CRMP1: variants seen among roughly 807,000 people sequenced by gnomAD.
CRMP1 encodes the protein dihydropyrimidinase-related protein 1.
In CRMP1, 19 loss-of-function variants were observed where a neutral mutation model predicts 68.3. The ratio of observed to expected loss-of-function variants is 0.28; its 90% confidence interval spans 0.19 to 0.41. The LOEUF is 0.41. Ranked by LOEUF, CRMP1 falls within the 10% of genes least tolerant of loss-of-function variation. The pLI, the probability that CRMP1 is intolerant of heterozygous loss-of-function variation, is 1.00. For missense variants in CRMP1, 791 were observed against 967.4 expected, an observed-to-expected ratio of 0.82 and a Z score of 2.42; for synonymous variants, 439 against 399.6, an observed-to-expected ratio of 1.10 and a Z score of -1.18.
intron 2 of CRMP1, among the ~76,000 whole-genome samples, chr4:5,862,383 CTAA>C (rs1244589968): frequency 2.0e-5 from 3 of 152,290 alleles, no homozygotes; most frequent in Middle Eastern, 3.4e-3. Flanking sequence ...ACCACCACTA[CTAA>C]TAATAACACC....
intron 12 of CRMP1, chr4:5,826,080 C>T (rs1719566006): frequency 4.0e-6 from 1 of 251,532 alleles, no homozygotes; most frequent in Admixed American, 6.2e-5. Flanking sequence ...GCATACATGC[C>T]CACACACACA....
intron 6 of CRMP1, among the ~76,000 whole-genome samples, chr4:5,847,564 C>CATGCAA (rs1712315765): frequency 6.6e-6 from 1 of 152,170 alleles, no homozygotes; most frequent in South Asian, 2.1e-4. Flanking sequence ...AACTAAGGCA[C>CATGCAA]TGTTGGTTTT....
rs950830355 is a variant in CRMP1 at position 5,853,551 on chromosome 4, A to G, written c.821-2082T>C. On this transcript the variant is annotated intron_variant, in intron 4 of 13. Coordinates refer to ENST00000324989, the MANE Select transcript of CRMP1 (RefSeq NM_001014809.3). This position sits in a 1 kb window ranked among gnomAD's most constrained non-coding sequence, Gnocchi z 4.7. ...AGTACGGAGGCTCCTCACAAAACTA[A>G]GAACTGAATTACCATATGCTTCAGC... 6.6e-6 allele frequency among the ~76,000 whole-genome samples: 1 copy of G among 152,212 alleles called. No individual in the cohort carries two copies. Among genetic ancestry groups the G allele is most frequent in the Non-Finnish European group, 1.5e-5 (1 of 68,036 alleles).
At chr4:5,828,394 A>G (rs1720022974) in intron 12 of CRMP1, 95 bp downstream of exon 12, 39 of 1,495,664 alleles carry the variant, frequency 2.6e-5, no homozygotes, top group Non-Finnish European at 3.5e-5. Flanking sequence ...GGGCGATGAC[A>G]TTATTAACTC....
At chr4:5,831,766 T>G (rs1163350402) in intron 11 of CRMP1, among the ~76,000 whole-genome samples, 1 of 152,202 alleles carries the variant, frequency 6.6e-6, no homozygotes, top group Non-Finnish European at 1.5e-5. Flanking sequence ...GAACACTGAA[T>G]TGTAAACATC....
At chr4:5,886,410 C>T (rs1038798755) in intron 1 of CRMP1, among the ~76,000 whole-genome samples, 6 of 152,208 alleles carry the variant, frequency 3.9e-5, no homozygotes, top group African/African-American at 1.4e-4. Flanking sequence ...GTGAAGGGGC[C>T]TACATCGTAC....
Position 5,825,232 on chromosome 4 carries a change from C to T in CRMP1, c.1969+262G>A. The T allele has an allele frequency of 4.1e-6, 4 of 985,360 alleles. No individual in the cohort carries two copies. Among genetic ancestry groups the T allele is most frequent in the Non-Finnish European group, 4.8e-6 (4 of 829,924 alleles). 61.0% of individuals were successfully genotyped at this position (985,360 alleles called of 1,614,324 possible). A position where few individuals can be genotyped will look rare whatever the true frequency, so the allele number is the denominator to read the frequency against. On this transcript the variant is annotated intron_variant, in intron 13 of 13. Coordinates refer to ENST00000324989, the MANE Select transcript of CRMP1 (RefSeq NM_001014809.3). This position sits in a 1 kb window ranked among gnomAD's most constrained non-coding sequence, Gnocchi z 4.4. ...CCCCAAATGTGTGTAAGGATGAGCACTGGGACAATTTTGGTACCTCTCTTT... is the reference window on the plus strand; with the variant it reads ...CCCCAAATGTGTGTAAGGATGAGCATTGGGACAATTTTGGTACCTCTCTTT...
rs1007287768 is a variant in CRMP1, at chr4:5,892,561, G to C, written c.381+28C>G. On this transcript the variant is annotated intron_variant, in intron 1 of 13. Coordinates refer to ENST00000324989, the MANE Select transcript of CRMP1 (RefSeq NM_001014809.3). The surrounding 1 kb of genome is among the most constrained non-coding windows in gnomAD (Gnocchi z 8.6). Reference sequence around the variant, plus strand: ...GGTCCTCCCGGGGCCCGCCCCCCTCGTCTGGCCCGCGCGCGCCCCGAGGGT... The same window carrying C: ...GGTCCTCCCGGGGCCCGCCCCCCTCCTCTGGCCCGCGCGCGCCCCGAGGGT... 1.3e-5 allele frequency: 15 copies of C among 1,171,880 alleles called. No individual in the cohort carries two copies. The highest frequency in any genetic ancestry group is 1.5e-5 in the Non-Finnish European group (14 of 949,222). 72.6% of individuals were successfully genotyped at this position (1,171,880 alleles called of 1,614,324 possible).
chr4:5,850,591 G>A lies in CRMP1; in HGVS notation c.882+817C>T. ...CCTGTATGGCACCATTCTCTGCTAG[G>A]CACCATCCTAGCACTTTACTCTTCT... On this transcript the variant is annotated intron_variant, in intron 5 of 13. Transcript: ENST00000324989. This position sits in a 1 kb window ranked among gnomAD's most constrained non-coding sequence, Gnocchi z 4.4. 6.6e-6 allele frequency among the ~76,000 whole-genome samples: 1 copy of A among 152,060 alleles called. No homozygotes were observed.
At chr4:5,844,448 T>C (rs1712031501) in intron 6 of CRMP1, among the ~76,000 whole-genome samples, 1 of 151,890 alleles carries the variant, frequency 6.6e-6, no homozygotes, top group African/African-American at 2.4e-5. Flanking sequence ...GGATGAAAGA[T>C]GACATGATGA....
At chr4:5,851,599 G>T in intron 4 of CRMP1, 130 bp from the exon 5 acceptor site, 1 of 867,040 alleles carries the variant, frequency 1.2e-6, no homozygotes, top group Non-Finnish European at 1.9e-6. Context: ...GATCCCCAGT[G>T]GGGCACCTAT....
chr4:5,831,447 C>T lies in CRMP1; in HGVS notation c.1624-2779G>A, dbSNP rs926978054. 7.2e-5 allele frequency among the ~76,000 whole-genome samples: 11 copies of T among 152,166 alleles called. No individual in the cohort carries two copies. In the East Asian group the frequency reaches 7.7e-4, roughly 11 times the overall value. The stretch of plus-strand genomic sequence containing the variant: ...ACAGCTGTTGACACTGTGCCAGCCT[C>T]GCAGGACCCAGGCAGACAGTGCGTT... On this transcript the variant is annotated intron_variant, in intron 11 of 13. Coordinates refer to ENST00000324989, the MANE Select transcript of CRMP1 (RefSeq NM_001014809.3).
Position 5,855,479 on chromosome 4 carries a change from G to C in CRMP1, c.820+664C>G, listed in dbSNP as rs764000798. On this transcript the variant is annotated intron_variant, in intron 4 of 13. Transcript: ENST00000324989. The surrounding 1 kb of genome is among the most constrained non-coding windows in gnomAD (Gnocchi z 4.9). Reference sequence around the variant, plus strand: ...TCTTCTGATCAGTTCCCCCCAGTTCGATGTAACACACACCATAAAGGTCTA... The same window carrying C: ...TCTTCTGATCAGTTCCCCCCAGTTCCATGTAACACACACCATAAAGGTCTA... Among the ~76,000 whole-genome samples the C allele has an allele frequency of 6.6e-6, 1 of 151,968 alleles. No individual in the cohort carries two copies. Among genetic ancestry groups the C allele is most frequent in the African/African-American group, 2.4e-5 (1 of 41,346 alleles).
chr4:5,889,573 C>T lies in CRMP1; in HGVS notation c.381+3016G>A. The T allele has an allele frequency of 6.5e-7, 1 of 1,535,910 alleles. No homozygotes were observed. Among genetic ancestry groups the T allele is most frequent in the Non-Finnish European group, 8.7e-7 (1 of 1,146,694 alleles). On this transcript the variant is annotated intron_variant, in intron 1 of 13. Transcript: ENST00000324989. This position sits in a 1 kb window ranked among gnomAD's most constrained non-coding sequence, Gnocchi z 4.5. Reference sequence around the variant, plus strand: ...GGAAAAGGGGGAGCCCCAGCAAGCCCCAACCTCACTGGACAGGTGCCCCAA... The same window carrying T: ...GGAAAAGGGGGAGCCCCAGCAAGCCTCAACCTCACTGGACAGGTGCCCCAA...
At position 5,880,175 on chromosome 4, in the gene CRMP1, G is replaced by T. The variant is rs900263485; in HGVS notation, c.381+12414C>A. Among the ~76,000 whole-genome samples, 4 of 152,330 alleles carry T rather than the reference G, an allele frequency of 2.6e-5. No homozygotes were observed. The East Asian group carries it at 7.7e-4, about 29-fold the overall frequency. On this transcript the variant is annotated intron_variant, in intron 1 of 13. Coordinates refer to ENST00000324989, the MANE Select transcript of CRMP1 (RefSeq NM_001014809.3). ...AGTGGTGATCTCCCTGTCATTGGAG[G>T]TATGCAGAGAACATACTGGGAATTT...
chr4:5,856,424 A>G, intron 3 of CRMP1, 117 bp from the exon 4 acceptor site: 2 of 934,628 alleles, frequency 2.1e-6, no homozygotes, highest in Non-Finnish European at 3.2e-6. Context: ...CATCATCATC[A>G]CCATAATTAT....
rs913833703 is a variant in CRMP1 at position 5,821,880 on chromosome 4, T to C, written c.1970-29A>G. Reference sequence around the variant, plus strand: ...AAAGAGAGCGCCAATCGCTGCTGGATGGGATCTGTTAGCATCAGTTCCACG... The same window carrying C: ...AAAGAGAGCGCCAATCGCTGCTGGACGGGATCTGTTAGCATCAGTTCCACG... On this transcript the variant is annotated intron_variant, in intron 13 of 13. Transcript: ENST00000324989. This position sits in a 1 kb window ranked among gnomAD's most constrained non-coding sequence, Gnocchi z 4.4. 2 of 1,527,820 alleles carry C rather than the reference T, an allele frequency of 1.3e-6. No homozygotes were observed. Among genetic ancestry groups the C allele is most frequent in the Admixed American group, 3.7e-5 (2 of 54,298 alleles). 94.6% of individuals were successfully genotyped at this position (1,527,820 alleles called of 1,614,324 possible).
chr4:5,858,609 T>C lies in CRMP1; in HGVS notation c.656-2302A>G, dbSNP rs1194768936. 6.6e-6 allele frequency among the ~76,000 whole-genome samples: 1 copy of C among 152,168 alleles called. No individual in the cohort carries two copies. The highest frequency in any genetic ancestry group is 1.9e-4 in the East Asian group (1 of 5,194). ...ACGCCACCCTCATCTCTCAGCTGAA[T>C]TACGCAATCGCCTCCCAACTGGTCC... On this transcript the variant is annotated intron_variant, in intron 3 of 13. Coordinates refer to ENST00000324989, the MANE Select transcript of CRMP1 (RefSeq NM_001014809.3). The surrounding 1 kb of genome is among the most constrained non-coding windows in gnomAD (Gnocchi z 5.5).
Position 5,825,818 on chromosome 4 carries a change from C to T in CRMP1, c.1804-159G>A. 1 of 684,738 alleles carries T rather than the reference C, an allele frequency of 1.5e-6. No individual in the cohort carries two copies. Among genetic ancestry groups the T allele is most frequent in the Non-Finnish European group, 2.5e-6 (1 of 407,798 alleles). 42.4% of individuals were successfully genotyped at this position (684,738 alleles called of 1,614,324 possible). On this transcript the variant is annotated intron_variant, in intron 12 of 13. Coordinates refer to ENST00000324989, the MANE Select transcript of CRMP1 (RefSeq NM_001014809.3). The surrounding 1 kb of genome is among the most constrained non-coding windows in gnomAD (Gnocchi z 4.4). ...ACGCACACACGACAGGTGCACTTCA[C>T]ACACATGCAGCCGCACACAGGCATT...
Sources: allele counts gnomAD v4.1 joint callset (sites outside exome capture counted in the v4.1 genomes callset), GRCh38; gene constraint gnomAD v4.1.1; non-coding constraint Gnocchi (gnomAD v3.1); transcripts MANE v1.5; gene names NCBI Gene and HGNC (gene_info 2026-07-23, HGNC 2026-07-21).